The following BTN3A2 variants were observed in gnomAD, a reference collection of about 807,000 sequenced individuals.
The protein encoded by BTN3A2 is butyrophilin protein.
BTN3A2 carries 25 observed loss-of-function variants against 37.6 expected under a neutral mutation model. The observed-to-expected ratio is 0.66, with a 90% CI of 0.48 to 0.93. The LOEUF (loss-of-function observed/expected upper bound fraction) is 0.93. Among genes scored for constraint, BTN3A2 ranks in the 40% least tolerant of loss-of-function variants. The pLI is 0.00. For synonymous variants in BTN3A2, 122 were observed against 159.4 expected (o/e 0.77, Z 1.77); for missense variants, 266 against 410.9 (o/e 0.65, Z 3.05).
intron 1 of BTN3A2, among the ~76,000 whole-genome samples, chr6:26,366,753 A>T (rs1483882048): frequency 6.6e-6 from 1 of 152,156 alleles, no homozygotes; most frequent in African/African-American, 2.4e-5. Flanking sequence ...CCCCACCTCC[A>T]TCTGCAGACC....
intron 5 of BTN3A2, among the ~76,000 whole-genome samples, chr6:26,371,251 ACT>A (rs1760084307): frequency 6.6e-6 from 1 of 152,038 alleles, no homozygotes; most frequent in Non-Finnish European, 1.5e-5. Context: ...ACAGAGCGAG[ACT>A]CTGTCTCAAA....
At chr6:26,372,352 A>G (rs1760198125) in intron 5 of BTN3A2, among the ~76,000 whole-genome samples, 1 of 152,212 alleles carries the variant, frequency 6.6e-6, no homozygotes. Context: ...ACCTCAGGAA[A>G]TAGGTATTAT....
At chr6:26,373,220 C>T in intron 6 of BTN3A2, 56 bp from the exon 7 acceptor site, 3 of 1,593,260 alleles carry the variant, frequency 1.9e-6, no homozygotes, top group Non-Finnish European at 2.6e-6. Flanking sequence ...ACACCAACCT[C>T]ACCCATAACA....
In BTN3A2 at chr6:26,368,232, C is replaced by T. The variant is rs769004087; in HGVS notation, c.50C>T (p.Ser17Phe). Residue 17 changes from serine (S) to phenylalanine (F), a missense_variant, in exon 3 of 11, where the codon TCC (serine) becomes TTC (phenylalanine). Ser to Phe is a radical substitution (Grantham distance 155). Transcript: ENST00000377708. ...LAFLLLNFHV[S>F]LLLVQLLTPC... is the part of the protein sequence containing the mutation. ...TTCCTTCTGCTCAACTTTCATGTCT[C>T]CCTCCTCTTGGTCCAGCTGCTCACT... is the stretch of plus-strand genomic sequence containing the variant. 1.2e-5 allele frequency: 19 copies of T among 1,614,082 alleles called. No homozygotes were observed. The highest frequency in any genetic ancestry group is 1.6e-4 in the Middle Eastern group (1 of 6,084).
intron 4 of BTN3A2, among the ~76,000 whole-genome samples, chr6:26,369,732 A>C (rs968753419): frequency 5.9e-5 from 9 of 152,060 alleles, no homozygotes; most frequent in African/African-American, 1.9e-4. Context: ...GTGGGGTGGT[A>C]TTGTTTTTCC....
At chr6:26,368,403 A>G (rs751875835) in intron 3 of BTN3A2, 136 bp downstream of exon 3, 4 of 1,544,462 alleles carry the variant, frequency 2.6e-6, no homozygotes, top group South Asian at 1.1e-5. Flanking sequence ...GTCCATCCCA[A>G]CCTGAAGGAT....
At chr6:26,367,390 A>G (rs1003313820) in intron 1 of BTN3A2, among the ~76,000 whole-genome samples, 3 of 152,300 alleles carry the variant, frequency 2.0e-5, no homozygotes, top group East Asian at 3.9e-4. Flanking sequence ...TGCTGGGCCA[A>G]TTGTGAACAT....
chr6:26,367,897 G>A, intron 1 of BTN3A2, 93 bp from the exon 2 acceptor site: 1 of 470,136 alleles, frequency 2.1e-6, no homozygotes, highest in Non-Finnish European at 3.4e-6. Context: ...GGCAAGGGAA[G>A]TGTGGGGAAG....
At position 26,370,475 on chromosome 6, in the gene BTN3A2, C is replaced by A. The variant is rs945173230; in HGVS notation, c.587C>A (p.Ala196Glu). Reference sequence around the variant, plus strand: ...CCAGCTGTGGAAGCACCTGTGGTTGCAGATGGAGTGGGCCTATATGAAGTA... The same window carrying A: ...CCAGCTGTGGAAGCACCTGTGGTTGAAGATGGAGTGGGCCTATATGAAGTA... ...NIPAVEAPVV[A>E]DGVGLYEVAA... is the part of the protein sequence containing the mutation. The change falls in exon 5 of 11, where the codon GCA becomes GAA. Residue 196 changes from alanine (A) to glutamate (E), a missense_variant. Transcript: ENST00000377708. 2.5e-6 allele frequency: 4 copies of A among 1,614,076 alleles called. No homozygotes were observed. Among genetic ancestry groups the A allele is most frequent in the Non-Finnish European group, 3.4e-6 (4 of 1,180,040 alleles).
Position 26,370,374 on chromosome 6 carries a change from C to G in BTN3A2, c.486C>G (p.Ile162Met). 6.2e-7 allele frequency: 1 copy of G among 1,614,148 alleles called. No homozygotes were observed. The highest frequency in any genetic ancestry group is 8.5e-7 in the Non-Finnish European group (1 of 1,180,016). Residue 162 changes from isoleucine to methionine, a missense_variant, in exon 5 of 11, where the codon ATC becomes ATG. Physicochemically the swap from Ile to Met is conservative, Grantham distance 10. Coordinates refer to ENST00000377708, the MANE Select transcript of BTN3A2 (RefSeq NM_007047.5). ...VEVKGYEDGG[I>M]HLECRSTGWY... ...TGAAGGGTTATGAGGATGGAGGGAT[C>G]CATCTGGAGTGCAGGTCCACCGGCT... is the stretch of plus-strand genomic sequence containing the variant.
chr6:26,370,977 A>T (rs889807196), intron 5 of BTN3A2, among the ~76,000 whole-genome samples: 1 of 152,140 alleles, frequency 6.6e-6, no homozygotes, highest in Non-Finnish European at 1.5e-5. Flanking sequence ...CCTAGTAAAA[A>T]GTTTTGGCCA....
intron 1 of BTN3A2, among the ~76,000 whole-genome samples, chr6:26,366,832 T>A (rs2113671545): frequency 6.6e-6 from 1 of 152,334 alleles, no homozygotes; most frequent in Non-Finnish European, 1.5e-5. Context: ...TGCTCCTTTG[T>A]TTTGGGAGAA....
Position 26,377,152 on chromosome 6 carries a change from T to C in BTN3A2, c.*1390T>C, listed in dbSNP as rs555242576. The C allele has an allele frequency of 2.0e-5, 25 of 1,272,028 alleles. No individual in the cohort carries two copies. The highest frequency in any genetic ancestry group is 1.2e-4 in the East Asian group (5 of 43,166). 78.8% of individuals were successfully genotyped at this position (1,272,028 alleles called of 1,614,324 possible). On this transcript the variant is annotated 3_prime_UTR_variant, in exon 11 of 11. Transcript: ENST00000377708. ...CTAGTGCCTGATCATTCCCTGGAGA[T>C]ACCACTGACCCCAGGCTTAGCTAAT...
In BTN3A2 at chr6:26,373,414, G is replaced by A. The variant is rs144016445; in HGVS notation, c.964+1G>A. ...AGGAAAAAAATCCAGTACTTGACTC[G>A]TGAGTGGCTTTGACATTTTCTCTGA... On this transcript the variant is annotated splice_donor_variant, in intron 8 of 10. Coordinates refer to ENST00000377708, the MANE Select transcript of BTN3A2 (RefSeq NM_007047.5). LOFTEE classifies it high-confidence loss of function. 486 of 1,599,942 alleles carry A rather than the reference G, an allele frequency of 3.0e-4. 2 individuals carry two copies. Among genetic ancestry groups the A allele is most frequent in the Admixed American group, 7.1e-4 (40 of 56,160 alleles).
intron 5 of BTN3A2, among the ~76,000 whole-genome samples, 181 bp downstream of exon 5, chr6:26,370,784 C>G (rs972885169): frequency 2.6e-5 from 4 of 152,148 alleles, no homozygotes; most frequent in African/African-American, 9.7e-5. Flanking sequence ...GTTCGTAACA[C>G]AAACATTTTC....
In BTN3A2 at chr6:26,365,228, A is replaced by G. The variant is rs974010486; in HGVS notation, c.-191A>G. The stretch of plus-strand genomic sequence containing the variant: ...TTACTGTTTCTCATGGTGAGAAGAC[A>G]ATATTTGCTTTCTCTTTTTCCTTTC... On this transcript the variant is annotated 5_prime_UTR_variant, in exon 1 of 11. Coordinates refer to ENST00000377708, the MANE Select transcript of BTN3A2 (RefSeq NM_007047.5). 18 of 1,352,904 alleles carry G rather than the reference A, an allele frequency of 1.3e-5. No individual in the cohort carries two copies. The highest frequency in any genetic ancestry group is 3.6e-4 in the Middle Eastern group (2 of 5,596). The allele number at this position is 1,352,904 out of a possible 1,614,324, so 83.8% of individuals were successfully genotyped here.
At position 26,372,942 on chromosome 6, in the gene BTN3A2, G is replaced by C. The variant is rs755382991; in HGVS notation, c.761G>C (p.Gly254Ala). The stretch of plus-strand genomic sequence containing the variant: ...CAGCCCTGGATCGCAGCCCTGGCAG[G>C]GACCCTGCCTATCTTGCTGCTGCTT... ...SAQPWIAALA[G>A]TLPILLLLLA... Residue 254 changes from glycine (G) to alanine (A), a missense_variant, in exon 6 of 11, where the codon GGG (glycine) becomes GCG (alanine). Transcript: ENST00000377708. 1 of 1,614,174 alleles carries C rather than the reference G, an allele frequency of 6.2e-7. No homozygotes were observed. Among genetic ancestry groups the C allele is most frequent in the South Asian group, 1.1e-5 (1 of 91,082 alleles).
intron 6 of BTN3A2, 26 bp from the exon 7 acceptor site, chr6:26,373,237 CTTTTTTTTTTTTT>C (rs750198408): frequency 3.0e-5 from 40 of 1,351,750 alleles, no homozygotes; most frequent in Admixed American, 7.7e-5. Context: ...AACAGTTCAT[CTTTTTTTTTTTTT>C]TTTTTTTTTT....
chr6:26,376,423 T>A lies in BTN3A2; in HGVS notation c.*661T>A. The A allele has an allele frequency of 1.7e-6, 1 of 605,466 alleles. No homozygotes were observed. Among genetic ancestry groups the A allele is most frequent in the Non-Finnish European group, 2.5e-6 (1 of 406,144 alleles). The allele number at this position is 605,466 out of a possible 1,614,324, so 37.5% of individuals were successfully genotyped here. A position where few individuals can be genotyped will look rare whatever the true frequency, so the allele number is the denominator to read the frequency against. ...ACTAGACCCCTGGGGCTTTCACCAATGACATTGATGAGAGAATCACATTCA... is the reference window on the plus strand; with the variant it reads ...ACTAGACCCCTGGGGCTTTCACCAAAGACATTGATGAGAGAATCACATTCA... On this transcript the variant is annotated 3_prime_UTR_variant, in exon 11 of 11. Transcript: ENST00000377708.
Sources: allele counts gnomAD v4.1 joint callset (sites outside exome capture counted in the v4.1 genomes callset), GRCh38; gene constraint gnomAD v4.1.1; transcripts MANE v1.5; gene names NCBI Gene and HGNC (gene_info 2026-07-23, HGNC 2026-07-21).